The following JADE2 variants were observed in gnomAD, a reference collection of about 807,000 sequenced individuals.
The protein encoded by JADE2 is jade family PHD finger 2.
Under a neutral mutation model 85.7 loss-of-function variants are expected in JADE2, and 13 were observed. That is an observed-to-expected ratio of 0.15 (90% confidence interval 0.10 to 0.24). The LOEUF is 0.24. Ranked by LOEUF, JADE2 falls within the 10% of genes least tolerant of loss-of-function variation. JADE2 has a pLI of 1.00. For missense variants in JADE2, 846 were observed against 1,115.9 expected (o/e 0.76, Z 3.45); for synonymous variants, 440 against 456.1 (o/e 0.96, Z 0.45).
At chr5:134,537,877 C>G (rs1761695776) in intron 2 of JADE2, 112 bp from the exon 3 acceptor site, 2 of 753,396 alleles carry the variant, frequency 2.7e-6, no homozygotes, top group African/African-American at 3.5e-5. Flanking sequence ...AGAGGTTTCT[C>G]CCTCATGAAC....
At chr5:134,577,221 A>G (rs557077033) in intron 11 of JADE2, among the ~76,000 whole-genome samples, 2 of 152,332 alleles carry the variant, frequency 1.3e-5, no homozygotes, top group Admixed American at 6.5e-5. Context: ...GGACAGCCCC[A>G]TGCTGGGAGG....
intron 1 of JADE2, chr5:134,526,246 G>A (rs1320474253): frequency 1.2e-5 from 12 of 985,386 alleles, no homozygotes; most frequent in African/African-American, 1.7e-5. Flanking sequence ...TACAGTGCGG[G>A]GAGGCTGAGA....
chr5:134,534,141 C>A (rs1761435759), intron 1 of JADE2, among the ~76,000 whole-genome samples: 1 of 152,164 alleles, frequency 6.6e-6, no homozygotes, highest in South Asian at 2.1e-4. Flanking sequence ...AGAGCACGGT[C>A]TCCTGAATCA....
chr5:134,535,975 A>G, intron 2 of JADE2, 60 bp downstream of exon 2: 1 of 1,418,298 alleles, frequency 7.1e-7, no homozygotes. Flanking sequence ...TCAGGCCCAC[A>G]GGCCCAGATG....
chr5:134,562,490 C>T lies in JADE2; in HGVS notation c.852+123C>T, dbSNP rs544706409. ...TGGACTCGCACTAAAACACTGAGAT[C>T]GGCCGGGCGCGGTGGCTCACGCCTG... On this transcript the variant is annotated intron_variant, in intron 7 of 11. Coordinates refer to ENST00000681547, the MANE Select transcript of JADE2 (RefSeq NM_001388185.1). The surrounding 1 kb of genome is among the most constrained non-coding windows in gnomAD (Gnocchi z 4.6). 4 of 1,006,748 alleles carry T rather than the reference C, an allele frequency of 4.0e-6. No individual in the cohort carries two copies. Among genetic ancestry groups the T allele is most frequent in the South Asian group, 3.6e-5 (2 of 56,008 alleles). 62.4% of individuals were successfully genotyped at this position (1,006,748 alleles called of 1,614,324 possible).
Position 134,525,916 on chromosome 5 carries a change from A to G in JADE2, c.-96A>G, listed in dbSNP as rs1760778408. 1.3e-5 allele frequency: 13 copies of G among 985,332 alleles called. No individual in the cohort carries two copies. The highest frequency in any genetic ancestry group is 4.7e-5 in the South Asian group (1 of 21,286). 61.0% of individuals were successfully genotyped at this position (985,332 alleles called of 1,614,324 possible). A position where few individuals can be genotyped will look rare whatever the true frequency, so the allele number is the denominator to read the frequency against. ...CCCCCCGCCCTCCCGCGCCGGCCCC[A>G]GGAGCTCCCGGCTTCGGGAGCATCC... On this transcript the variant is annotated 5_prime_UTR_variant, in exon 1 of 12. Coordinates refer to ENST00000681547, the MANE Select transcript of JADE2 (RefSeq NM_001388185.1).
rs1353199486 is a variant in JADE2 at position 134,562,522 on chromosome 5, C to T, written c.852+155C>T. ...GCGCGGTGGCTCACGCCTGTAATCC[C>T]AGCATTTTGGGAGGCCGAGGTGGGT... On this transcript the variant is annotated intron_variant, in intron 7 of 11. Transcript: ENST00000681547. The surrounding 1 kb of genome is among the most constrained non-coding windows in gnomAD (Gnocchi z 4.6). Among the ~76,000 whole-genome samples the T allele has an allele frequency of 2.6e-5, 4 of 152,168 alleles. No individual in the cohort carries two copies. The highest frequency in any genetic ancestry group is 5.9e-5 in the Non-Finnish European group (4 of 68,036).
In JADE2 at chr5:134,566,579, G is replaced by A; in HGVS notation, c.1433G>A (p.Arg478Lys). ...ACCCATCTGCGGCAGGACCTAGAGA[G>A]GGTGAGTCCCCATGCCGCCTGCCCA... Reference protein sequence around the residue: ...LFTHLRQDLERVRNLCYMVTR... With the variant: ...LFTHLRQDLEKVRNLCYMVTR... Residue 478 changes from arginine to lysine, a missense_variant and splice_region_variant, in exon 9 of 12, where the codon AGG (arginine) becomes AAG (lysine). Physicochemically the swap from Arg to Lys is conservative, Grantham distance 26. This residue lies in a region of JADE2 where 88 missense variants were observed against 140.6 expected (regional missense o/e 0.63). Coordinates refer to ENST00000681547, the MANE Select transcript of JADE2 (RefSeq NM_001388185.1). This position sits in a 1 kb window ranked among gnomAD's most constrained non-coding sequence, Gnocchi z 6.7. 6.5e-7 allele frequency: 1 copy of A among 1,549,294 alleles called. No individual in the cohort carries two copies. Among genetic ancestry groups the A allele is most frequent in the Non-Finnish European group, 8.7e-7 (1 of 1,144,812 alleles).
At chr5:134,572,279 G>C (rs933828311) in intron 9 of JADE2, among the ~76,000 whole-genome samples, 2 of 152,218 alleles carry the variant, frequency 1.3e-5, no homozygotes, top group Non-Finnish European at 2.9e-5. Context: ...CACGGTCTTC[G>C]AGCTGAGGGC....
intron 1 of JADE2, chr5:134,526,676 G>A: frequency 1.0e-6 from 1 of 985,576 alleles, no homozygotes; most frequent in Non-Finnish European, 1.2e-6. Context: ...CTGCACGCGG[G>A]GGCAGCATGC....
rs746185076 is a variant in JADE2, at chr5:134,578,588, C to T, written c.1776C>T (p.Ser592=). ...TCACAGCAGAGAACATGGCCATGAG[C>T]GAGTGGCCACTGAACAATGGGCACC... ...VQITAENMAM[S]EWPLNNGHRE... Residue 592 remains serine, a synonymous_variant, in exon 12 of 12, where the codon AGC becomes AGT. Coordinates refer to ENST00000681547, the MANE Select transcript of JADE2 (RefSeq NM_001388185.1). This position sits in a 1 kb window ranked among gnomAD's most constrained non-coding sequence, Gnocchi z 4.4. 19 of 1,613,964 alleles carry T rather than the reference C, an allele frequency of 1.2e-5. No homozygotes were observed. The highest frequency in any genetic ancestry group is 3.3e-5 in the Admixed American group (2 of 60,006).
At position 134,525,910 on chromosome 5, in the gene JADE2, G is replaced by C. The variant is rs1038201705; in HGVS notation, c.-102G>C. 1.6e-5 allele frequency: 16 copies of C among 985,634 alleles called. No homozygotes were observed. The African/African-American group carries it at 2.1e-4, about 13-fold the overall frequency. The allele number at this position is 985,634 out of a possible 1,614,324, so 61.1% of individuals were successfully genotyped here. ...TGCGCGCCCCCCGCCCTCCCGCGCC[G>C]GCCCCAGGAGCTCCCGGCTTCGGGA... is the stretch of plus-strand genomic sequence containing the variant. On this transcript the variant is annotated 5_prime_UTR_variant, in exon 1 of 12. Transcript: ENST00000681547.
chr5:134,533,224 A>T (rs964460959), intron 1 of JADE2, among the ~76,000 whole-genome samples: 1 of 152,106 alleles, frequency 6.6e-6, no homozygotes, highest in Non-Finnish European at 1.5e-5. Flanking sequence ...CCATGGTATT[A>T]CTATCTGGCA....
chr5:134,528,329 C>T (rs1358207097), intron 1 of JADE2, among the ~76,000 whole-genome samples: 2 of 152,172 alleles, frequency 1.3e-5, no homozygotes, highest in Admixed American at 6.5e-5. Flanking sequence ...CTCCCCTACC[C>T]TGACTTTCTT....
At chr5:134,529,619 C>T (rs1019846497) in intron 1 of JADE2, among the ~76,000 whole-genome samples, 4 of 152,226 alleles carry the variant, frequency 2.6e-5, no homozygotes, top group Non-Finnish European at 5.9e-5. Context: ...GTGATAAGCA[C>T]GTGATTAGTA....
intron 3 of JADE2, among the ~76,000 whole-genome samples, chr5:134,551,194 G>A (rs540644645): frequency 2.9e-4 from 43 of 149,364 alleles, no homozygotes; most frequent in African/African-American, 1.0e-3. Context: ...GAACAGTCAC[G>A]TAATGGCAGT....
At chr5:134,552,968 G>A (rs1000696632) in intron 4 of JADE2, among the ~76,000 whole-genome samples, 5 of 137,508 alleles carry the variant, frequency 3.6e-5, no homozygotes, top group Non-Finnish European at 6.1e-5. Context: ...GTAGCCAGCC[G>A]TAAGCCTCTG....
chr5:134,536,030 G>A, intron 2 of JADE2, 115 bp downstream of exon 2: 1 of 881,334 alleles, frequency 1.1e-6, no homozygotes, highest in Non-Finnish European at 1.9e-6. Flanking sequence ...GAGGCATGTT[G>A]ATGAAAGCAT....
At position 134,538,082 on chromosome 5, in the gene JADE2, A is replaced by G; in HGVS notation, c.152A>G (p.Glu51Gly). Residue 51 changes from glutamate to glycine, a missense_variant and splice_region_variant, in exon 3 of 12, where the codon GAG (glutamate) becomes GGG (glycine). Transcript: ENST00000681547. ...WPRQNEKKPS[E>G]VFRTDLITAM... ...CGACAGAACGAAAAGAAGCCCTCCG[A>G]GGTGGGTAGTGATGAGCTTCCCAGA... is the stretch of plus-strand genomic sequence containing the variant. 6.2e-7 allele frequency: 1 copy of G among 1,612,500 alleles called. No homozygotes were observed. Among genetic ancestry groups the G allele is most frequent in the South Asian group, 1.1e-5 (1 of 91,062 alleles).
Sources: gnomAD v4.1 joint callset for allele counts (sites outside exome capture counted in the v4.1 genomes callset) on GRCh38, gnomAD v4.1.1 for gene constraint, gnomAD v4.1.1 regional missense constraint, Gnocchi (gnomAD v3.1) non-coding constraint, MANE v1.5 for transcripts, NCBI Gene and HGNC (gene_info 2026-07-23, HGNC 2026-07-21) for gene names.